Variants in MEIS2 observed in about 807,000 individuals in gnomAD.
MEIS2 encodes the protein Meis homeobox 2.
A neutral mutation model predicts 58.6 loss-of-function variants in MEIS2; 9 were observed. That is an observed-to-expected ratio of 0.15 (90% CI 0.09 to 0.27). The LOEUF is 0.27. MEIS2 is among the 10% of genes least tolerant of loss of function. The pLI, the probability that MEIS2 is intolerant of heterozygous loss-of-function variation, is 1.00. For synonymous variants in MEIS2, 221 were observed against 228.4 expected (o/e 0.97, Z 0.29); for missense variants, 427 against 635.0 (o/e 0.67, Z 3.52).
intron 8 of MEIS2, among the ~76,000 whole-genome samples, chr15:36,982,198 T>C (rs768348217): frequency 1.3e-5 from 2 of 152,300 alleles, no homozygotes; most frequent in African/African-American, 2.4e-5. Flanking sequence ...TCCTGACTGA[T>C]ACATACTCTC....
intron 8 of MEIS2, among the ~76,000 whole-genome samples, chr15:36,952,715 T>G (rs844380): frequency 0.46 from 68,941 of 151,512 alleles, 17,123 homozygotes; most frequent in African/African-American, 0.64. Flanking sequence ...GTAAGCAGAA[T>G]AGTTGAAATG....
chr15:37,001,879 A>G (rs1307466200), intron 8 of MEIS2, among the ~76,000 whole-genome samples: 1 of 152,192 alleles, frequency 6.6e-6, no homozygotes, highest in African/African-American at 2.4e-5. Flanking sequence ...TAAAATCTGA[A>G]TAGCACTTAG....
intron 7 of MEIS2, chr15:37,066,221 T>C (rs932249526): frequency 6.6e-6 from 1 of 152,178 alleles, no homozygotes; most frequent in Non-Finnish European, 1.5e-5. Flanking sequence ...AGGCTTATGA[T>C]GGCTCAGGCT....
At chr15:36,927,223 C>G (rs1286200530) in intron 9 of MEIS2, among the ~76,000 whole-genome samples, 2 of 152,020 alleles carry the variant, frequency 1.3e-5, no homozygotes, top group Admixed American at 6.6e-5. Context: ...GGCTAGCCCC[C>G]CTGAAGATGA....
intron 9 of MEIS2, among the ~76,000 whole-genome samples, chr15:36,928,142 C>A (rs147464490): frequency 6.6e-6 from 1 of 152,062 alleles, no homozygotes; most frequent in Non-Finnish European, 1.5e-5. Flanking sequence ...AAAACAAAAA[C>A]GTTGCATAAT....
intron 8 of MEIS2, among the ~76,000 whole-genome samples, chr15:36,989,771 C>T (rs1359981185): frequency 2.0e-5 from 3 of 152,264 alleles, no homozygotes; most frequent in South Asian, 4.1e-4. Flanking sequence ...GTTGGTTTAC[C>T]AGCACTTATT....
rs760250594 is a variant in MEIS2 at position 37,069,983 on chromosome 15, C to G, written c.754+13788G>C. On this transcript the variant is annotated intron_variant, in intron 7 of 11. Coordinates refer to ENST00000561208, the MANE Select transcript of MEIS2 (RefSeq NM_170675.5). Reference sequence around the variant, plus strand: ...CCTTCCTCTTTCATGGATTTGCCACCCAACCTCCAACTCAATGGCCGCTTA... The same window carrying G: ...CCTTCCTCTTTCATGGATTTGCCACGCAACCTCCAACTCAATGGCCGCTTA... Among the ~76,000 whole-genome samples, 118 of 152,018 alleles carry G rather than the reference C, an allele frequency of 7.8e-4. 2 individuals carry two copies. The highest frequency in any genetic ancestry group is 2.1e-4 in the Non-Finnish European group (14 of 67,984).
chr15:36,917,026 C>T (rs2057310535), intron 9 of MEIS2, among the ~76,000 whole-genome samples: 1 of 152,196 alleles, frequency 6.6e-6, no homozygotes, highest in Admixed American at 6.5e-5. Flanking sequence ...CACATACACG[C>T]ATGCGTGCAA....
At chr15:36,913,608 C>A (rs1454474876) in intron 9 of MEIS2, among the ~76,000 whole-genome samples, 1 of 152,040 alleles carries the variant, frequency 6.6e-6, no homozygotes, top group Non-Finnish European at 1.5e-5. Context: ...TTTTAAAAAC[C>A]TCAAAACTTA....
chr15:37,098,379 GGAGAGAGAGAGAGAGAGAGA>G (rs534692479), intron 1 of MEIS2, 180 bp from the exon 2 acceptor site: 85 of 307,846 alleles, frequency 2.8e-4, no homozygotes, highest in African/African-American at 5.7e-4. Flanking sequence ...GAGGAGAGGG[GGAGAGAGAGAGAGAGAGAGA>G]GAGAGAGAGA....
chr15:36,995,106 T>A (rs1183448111), intron 8 of MEIS2, among the ~76,000 whole-genome samples: 1 of 152,198 alleles, frequency 6.6e-6, no homozygotes, highest in Non-Finnish European at 1.5e-5. Context: ...TGCCAGTGGA[T>A]CACAACTTAC....
intron 1 of MEIS2, chr15:37,099,084 C>T: frequency 1.0e-6 from 1 of 991,578 alleles, no homozygotes. Context: ...ACGGCGGCAG[C>T]GGCGCAGCAG....
chr15:36,930,000 C>T (rs1163103757), intron 9 of MEIS2, among the ~76,000 whole-genome samples: 7 of 151,828 alleles, frequency 4.6e-5, no homozygotes, highest in South Asian at 4.2e-4. Flanking sequence ...GTCAGGAGTT[C>T]GAGACCAGCC....
chr15:36,997,626 C>G (rs1037330971), intron 8 of MEIS2, among the ~76,000 whole-genome samples: 1 of 151,630 alleles, frequency 6.6e-6, no homozygotes, highest in Non-Finnish European at 1.5e-5. Context: ...ACTACAGGCA[C>G]CTGCCACCAC....
At chr15:37,082,865 G>C (rs1892414644) in intron 7 of MEIS2, among the ~76,000 whole-genome samples, 1 of 151,916 alleles carries the variant, frequency 6.6e-6, no homozygotes, top group Non-Finnish European at 1.5e-5. Context: ...TATAACTACA[G>C]CTCGAGCTGT....
At chr15:37,095,762 G>T in intron 3 of MEIS2, 148 bp from the exon 4 acceptor site, 1 of 1,143,502 alleles carries the variant, frequency 8.7e-7, no homozygotes, top group Non-Finnish European at 1.3e-6. Context: ...CCTTAAATTA[G>T]TGGAGTCCCT....
chr15:36,913,402 A>G (rs914634950), intron 9 of MEIS2, among the ~76,000 whole-genome samples: 6 of 152,226 alleles, frequency 3.9e-5, no homozygotes, highest in African/African-American at 1.2e-4. Flanking sequence ...GAAACAGTTA[A>G]CAGCCTCTAC....
intron 8 of MEIS2, among the ~76,000 whole-genome samples, chr15:36,991,775 TTTTTTTTC>T (rs1286306446): frequency 8.3e-5 from 9 of 108,298 alleles, no homozygotes; most frequent in African/African-American, 2.0e-4. Context: ...AATTTTCTTT[TTTTTTTTC>T]TTTTTTTTTT....
At chr15:37,012,452 C>G (rs2061197458) in intron 8 of MEIS2, among the ~76,000 whole-genome samples, 1 of 152,186 alleles carries the variant, frequency 6.6e-6, no homozygotes, top group Non-Finnish European at 1.5e-5. Context: ...TCTAATCATG[C>G]ATCCTATTCA....
Sources: allele counts gnomAD v4.1 joint callset (sites outside exome capture counted in the v4.1 genomes callset), GRCh38; gene constraint gnomAD v4.1.1; transcripts MANE v1.5; gene names NCBI Gene and HGNC (gene_info 2026-07-23, HGNC 2026-07-21).